Variants in CIMIP2C observed in about 807,000 individuals in gnomAD.
CIMIP2C encodes the protein UPF0573 protein C2orf70.
the CIMIP2C span, among the ~76,000 whole-genome samples, chr2:26,571,878 T>C: frequency 6.6e-6 from 1 of 152,166 alleles, no homozygotes. Flanking sequence ...AATATAATCA[T>C]ACCATATTTG....
the CIMIP2C span, among the ~76,000 whole-genome samples, chr2:26,563,565 A>C: frequency 6.6e-6 from 1 of 152,310 alleles, no homozygotes; most frequent in Non-Finnish European, 1.5e-5. Flanking sequence ...AGTATCAGCA[A>C]ATCTGTATAG....
chr2:26,579,445 T>G, the CIMIP2C span: 18 of 1,613,218 alleles, frequency 1.1e-5, no homozygotes, highest in Middle Eastern at 1.6e-4. Context: ...ATGAGACTTT[T>G]AGTTCAGAGC....
the CIMIP2C span, among the ~76,000 whole-genome samples, chr2:26,572,864 G>A: frequency 4.6e-5 from 7 of 152,144 alleles, no homozygotes; most frequent in African/African-American, 1.7e-4. Context: ...AGTGTGGGAG[G>A]AACCTCCCCT....
the CIMIP2C span, chr2:26,577,571 T>C: frequency 2.5e-5 from 40 of 1,613,800 alleles, no homozygotes; most frequent in Middle Eastern, 1.6e-4. Flanking sequence ...GTGCCTCGAG[T>C]CCCCTACTTT....
chr2:26,569,711 C>A, the CIMIP2C span, among the ~76,000 whole-genome samples: 1 of 152,034 alleles, frequency 6.6e-6, no homozygotes, highest in East Asian at 1.9e-4. Context: ...GCCCAGGGGT[C>A]CGGCTTGGCA....
chr2:26,562,603 C>T, the CIMIP2C span: 1 of 1,570,896 alleles, frequency 6.4e-7, no homozygotes, highest in Non-Finnish European at 8.6e-7. Context: ...GCTGTACTCG[C>T]GCACCCACCA....
At chr2:26,575,002 C>T in the CIMIP2C span, among the ~76,000 whole-genome samples, 1 of 152,248 alleles carries the variant, frequency 6.6e-6, no homozygotes, top group Non-Finnish European at 1.5e-5. Context: ...CGCCTGTACT[C>T]TCTGGGTGTT....
At chr2:26,576,165 A>G in the CIMIP2C span, 3,056 of 1,613,020 alleles carry the variant, frequency 1.9e-3, 76 homozygotes, top group South Asian at 0.031. Context: ...GAGCTTACGA[A>G]TTTCTACCAG....
chr2:26,568,478 C>G, the CIMIP2C span, among the ~76,000 whole-genome samples: 11 of 152,202 alleles, frequency 7.2e-5, no homozygotes, highest in Admixed American at 2.0e-4. Flanking sequence ...CTGTGGAGCC[C>G]CCTAAGAACA....
chr2:26,572,694 A>G, the CIMIP2C span, among the ~76,000 whole-genome samples: 1 of 152,218 alleles, frequency 6.6e-6, no homozygotes, highest in Non-Finnish European at 1.5e-5. Flanking sequence ...TGGGGTGAAC[A>G]CAGCCTCAGA....
At chr2:26,577,510 C>A in the CIMIP2C span, 16 of 1,612,294 alleles carry the variant, frequency 9.9e-6, no homozygotes, top group East Asian at 3.3e-4. Flanking sequence ...CTTGATTGAA[C>A]CATAGATGGT....
the CIMIP2C span, chr2:26,578,522 C>T: frequency 2.4e-5 from 6 of 250,536 alleles, no homozygotes; most frequent in East Asian, 1.1e-4. Flanking sequence ...GCTCATTGAT[C>T]GCCTGGGGAA....
the CIMIP2C span, chr2:26,577,583 C>A: frequency 5.6e-6 from 9 of 1,614,062 alleles, no homozygotes; most frequent in Non-Finnish European, 7.6e-6. Flanking sequence ...CCCTACTTTG[C>A]GATGCCCGTG....
chr2:26,564,978 C>G, the CIMIP2C span, among the ~76,000 whole-genome samples: 1 of 152,220 alleles, frequency 6.6e-6, no homozygotes, highest in African/African-American at 2.4e-5. Flanking sequence ...TGAGCTCCAA[C>G]TATGTACCAG....
At chr2:26,578,862 C>G in the CIMIP2C span, 1 of 471,824 alleles carries the variant, frequency 2.1e-6, no homozygotes, top group Non-Finnish European at 4.4e-6. Flanking sequence ...GGGTCAGTGA[C>G]AGGCCTGGGG....
chr2:26,577,793 A>G, the CIMIP2C span: 3 of 559,898 alleles, frequency 5.4e-6, no homozygotes, highest in Non-Finnish European at 9.3e-6. Flanking sequence ...GGGTCAGGGC[A>G]TTGGCAGCCT....
the CIMIP2C span, chr2:26,577,492 A>T: frequency 1.2e-6 from 2 of 1,603,856 alleles, no homozygotes; most frequent in South Asian, 1.1e-5. Flanking sequence ...ACAACCTGTC[A>T]TCTCTTCCTT....
At chr2:26,576,121 C>T in the CIMIP2C span, 3 of 1,614,054 alleles carry the variant, frequency 1.9e-6, no homozygotes, top group African/African-American at 2.7e-5. Context: ...AGCCCAGCTA[C>T]ACTCGCTTCA....
the CIMIP2C span, chr2:26,562,601 C>T: frequency 6.4e-7 from 1 of 1,569,712 alleles, no homozygotes. Flanking sequence ...TCGCTGTACT[C>T]GCGCACCCAC....
Sources: allele counts gnomAD v4.1 joint callset (sites outside exome capture counted in the v4.1 genomes callset), GRCh38; gene constraint gnomAD v4.1.1; transcripts MANE v1.5; gene names NCBI Gene and HGNC (gene_info 2026-07-23, HGNC 2026-07-21).